Variants in TENM1 observed in about 807,000 individuals in gnomAD.
TENM1 encodes teneurin transmembrane protein 1.
TENM1 carries 35 observed loss-of-function variants against 174.8 expected under a neutral mutation model. The observed-to-expected ratio is 0.20, with a 90% CI of 0.15 to 0.27. The LOEUF (loss-of-function observed/expected upper bound fraction) is 0.27. Among genes scored for constraint, TENM1 ranks in the 10% least tolerant of loss-of-function variants. TENM1 has a pLI of 1.00. For missense variants in TENM1, 1,633 were observed against 2,130.1 expected (o/e 0.77, Z 4.59); for synonymous variants, 781 against 798.7 (o/e 0.98, Z 0.37).
intron 3 of TENM1, among the ~76,000 whole-genome samples, chrX:124,837,496 G>A (rs138028067): frequency 1.3e-3 from 146 of 112,570 alleles, no homozygotes; most frequent in African/African-American, 4.1e-3. Flanking sequence ...GTCTAAAGAG[G>A]TGAATATGGC....
intron 1 of TENM1, among the ~76,000 whole-genome samples, chrX:124,939,988 G>A (rs1450552175): frequency 3.6e-5 from 4 of 111,586 alleles, no homozygotes; most frequent in Admixed American, 9.6e-5. Flanking sequence ...CTTAAAAGTA[G>A]GGACCATGTC....
chrX:125,060,181 T>TCTCA, the TENM1 span, among the ~76,000 whole-genome samples: 101 of 93,828 alleles, frequency 1.1e-3, 1 homozygote, highest in African/African-American at 3.9e-3. Context: ...TCTCTCTCTC[T>TCTCA]CACACACACA....
intron 31 of TENM1, among the ~76,000 whole-genome samples, chrX:124,381,781 TA>T (rs1413329230): frequency 1.8e-5 from 2 of 111,027 alleles, no homozygotes; most frequent in Admixed American, 9.6e-5. Context: ...TATGTGGACT[TA>T]AAAAAAACCT....
At position 124,771,487 on chromosome X, in the gene TENM1, G is replaced by T. The variant is rs1179971238; in HGVS notation, c.536-34290C>A. On this transcript the variant is annotated intron_variant, in intron 3 of 31. Coordinates refer to ENST00000422452, the Ensembl canonical transcript of TENM1. ...CATGAAACATGTATTCCTGCCACAT[G>T]CCAAATTCCCATTAACTTCAAGAAG... is the stretch of plus-strand genomic sequence containing the variant. Among the ~76,000 whole-genome samples the T allele has an allele frequency of 2.7e-5, 3 of 112,440 alleles. No individual in the cohort carries two copies. The East Asian group carries it at 8.3e-4, about 31-fold the overall frequency.
chrX:125,128,260 AAGAAG>A, the TENM1 span, among the ~76,000 whole-genome samples: 1 of 111,944 alleles, frequency 8.9e-6, no homozygotes, highest in Non-Finnish European at 1.9e-5. Flanking sequence ...CTAGTTCAGA[AAGAAG>A]AGCACAGTGA....
chrX:124,891,504 C>T (rs1010434318), intron 3 of TENM1, among the ~76,000 whole-genome samples: 5 of 109,826 alleles, frequency 4.6e-5, no homozygotes, highest in African/African-American at 1.7e-4. Context: ...ACTAAAAATA[C>T]GAAAGTTAGC....
the TENM1 span, among the ~76,000 whole-genome samples, chrX:125,069,462 A>G: frequency 1.8e-5 from 2 of 111,782 alleles, no homozygotes; most frequent in Admixed American, 9.5e-5. Context: ...ATAAACTGAT[A>G]AATACAGGTG....
intron 3 of TENM1, among the ~76,000 whole-genome samples, chrX:124,858,357 T>C (rs1474646015): frequency 8.9e-6 from 1 of 112,001 alleles, no homozygotes; most frequent in Non-Finnish European, 1.9e-5. Flanking sequence ...CTTGCTCTTA[T>C]AGAACTCTTC....
At chrX:124,842,580 C>G (rs1036904967) in intron 3 of TENM1, among the ~76,000 whole-genome samples, 2 of 111,017 alleles carry the variant, frequency 1.8e-5, no homozygotes, top group South Asian at 7.7e-4. Flanking sequence ...CCAACATGAT[C>G]AAGTTTTTTG....
At chrX:124,956,550 T>C (rs1474568026) in intron 1 of TENM1, among the ~76,000 whole-genome samples, 1 of 112,022 alleles carries the variant, frequency 8.9e-6, no homozygotes, top group Non-Finnish European at 1.9e-5. Flanking sequence ...CAGTTTTAGA[T>C]GCTGTGTAAG....
chrX:125,001,425 A>C, the TENM1 span, among the ~76,000 whole-genome samples: 1 of 111,274 alleles, frequency 9.0e-6, no homozygotes, highest in Non-Finnish European at 1.9e-5. Flanking sequence ...AAACTAAACA[A>C]TCTCTAAGTT....
intron 1 of TENM1, among the ~76,000 whole-genome samples, chrX:124,948,938 A>G (rs2058442112): frequency 8.9e-6 from 1 of 112,073 alleles, no homozygotes; most frequent in Non-Finnish European, 1.9e-5. Flanking sequence ...TTACCATGAT[A>G]GGACTAAGAA....
the TENM1 span, among the ~76,000 whole-genome samples, chrX:125,126,733 C>T: frequency 6.3e-5 from 7 of 111,011 alleles, no homozygotes; most frequent in African/African-American, 2.3e-4. Flanking sequence ...CCAATGAAAA[C>T]TTGTATTTCT....
At chrX:124,380,949 C>T (rs776990800) in exon 32 of TENM1, 8 of 1,211,501 alleles carry the variant, frequency 6.6e-6, no homozygotes, top group Middle Eastern at 2.3e-4. Context: ...CCAGTGTTAC[C>T]GATGAGCACC....
chrX:124,660,216 A>G (rs1351730387), intron 6 of TENM1, among the ~76,000 whole-genome samples: 1 of 110,135 alleles, frequency 9.1e-6, no homozygotes, highest in Non-Finnish European at 1.9e-5. Context: ...CTACTAAAAA[A>G]TAGAAAAAAT....
At position 124,564,192 on chromosome X, in the gene TENM1, C is replaced by A. The variant is rs1425225240; in HGVS notation, c.2264-420G>T. On this transcript the variant is annotated intron_variant, in intron 12 of 31. Coordinates refer to ENST00000422452, the Ensembl canonical transcript of TENM1. The stretch of plus-strand genomic sequence containing the variant: ...TAAAGGCAATAAACTTACTGTAGTA[C>A]AGGAATGTAATTACTTAAGCTACAC... Among the ~76,000 whole-genome samples the A allele has an allele frequency of 2.7e-5, 3 of 111,718 alleles. No individual in the cohort carries two copies. The East Asian group carries it at 8.4e-4, about 31-fold the overall frequency.
intron 3 of TENM1, among the ~76,000 whole-genome samples, chrX:124,786,705 A>C (rs1188842188): frequency 9.0e-6 from 1 of 111,586 alleles, no homozygotes; most frequent in East Asian, 2.8e-4. Flanking sequence ...GAGTTTTAAT[A>C]TGGAAAACAA....
the TENM1 span, among the ~76,000 whole-genome samples, chrX:125,146,434 C>A: frequency 9.0e-6 from 1 of 111,419 alleles, no homozygotes; most frequent in East Asian, 2.8e-4. Context: ...CCTTTTATTT[C>A]TCTATTATAG....
intron 6 of TENM1, among the ~76,000 whole-genome samples, chrX:124,664,532 GAAAAAAAAAAA>G (rs779501054): frequency 1.0e-4 from 3 of 29,276 alleles, no homozygotes; most frequent in East Asian, 1.7e-3. Context: ...TAAAGCAAAA[GAAAAAAAAAAA>G]AAAAAAAAAA....
Sources: gnomAD v4.1 joint callset for allele counts (sites outside exome capture counted in the v4.1 genomes callset) on GRCh38, gnomAD v4.1.1 for gene constraint, MANE v1.5 for transcripts, NCBI Gene and HGNC (gene_info 2026-07-23, HGNC 2026-07-21) for gene names.